Variants in AGBL1 observed in about 807,000 individuals in gnomAD.
The protein encoded by AGBL1 is cytosolic carboxypeptidase 4.
Under a neutral mutation model 118.9 loss-of-function variants are expected in AGBL1, and 130 were observed. That is an observed-to-expected ratio of 1.09 (90% CI 0.95 to 1.26). AGBL1 has a LOEUF of 1.26. AGBL1 is among the 50% of genes most tolerant of loss of function. The pLI is 0.00. For synonymous variants in AGBL1, 555 were observed against 478.9 expected (o/e 1.16, Z -2.08); for missense variants, 1,584 against 1,298.1 (o/e 1.22, Z -3.38).
At chr15:86,479,964 T>G (rs543556117) in intron 18 of AGBL1, among the ~76,000 whole-genome samples, 1 of 152,166 alleles carries the variant, frequency 6.6e-6, no homozygotes, top group South Asian at 2.1e-4. Context: ...AAACCATCAT[T>G]CTCAGCAAAC....
chr15:86,371,357 G>A (rs577697243), intron 17 of AGBL1, among the ~76,000 whole-genome samples: 2 of 152,248 alleles, frequency 1.3e-5, no homozygotes, highest in East Asian at 3.9e-4. Flanking sequence ...AGATTGGAGT[G>A]AGCTGCCTGC....
intron 17 of AGBL1, among the ~76,000 whole-genome samples, chr15:86,344,170 G>T (rs746572392): frequency 1.9e-4 from 29 of 152,184 alleles, no homozygotes; most frequent in Non-Finnish European, 4.0e-4. Context: ...GAGGGGCATG[G>T]CTCTTGTACC....
chr15:87,006,152 TGAG>T (rs2081499931), intron 24 of AGBL1, among the ~76,000 whole-genome samples: 1 of 152,202 alleles, frequency 6.6e-6, no homozygotes, highest in African/African-American at 2.4e-5. Context: ...GGGACCCACT[TGAG>T]GAGGCAGTCT....
chr15:86,943,882 T>A (rs931451660), intron 23 of AGBL1, among the ~76,000 whole-genome samples: 1 of 152,144 alleles, frequency 6.6e-6, no homozygotes, highest in Non-Finnish European at 1.5e-5. Context: ...AGCTCCTGTA[T>A]CACCAGCCCA....
chr15:86,969,469 C>G (rs2081085686), intron 23 of AGBL1, among the ~76,000 whole-genome samples: 1 of 151,726 alleles, frequency 6.6e-6, no homozygotes. Context: ...AGACCAGAGT[C>G]AGTGAGGATA....
At chr15:86,981,031 C>T (rs1190033954) in intron 23 of AGBL1, among the ~76,000 whole-genome samples, 1 of 151,844 alleles carries the variant, frequency 6.6e-6, no homozygotes, top group Non-Finnish European at 1.5e-5. Context: ...CGACTACAGG[C>T]GCACGCTGCC....
intron 22 of AGBL1, among the ~76,000 whole-genome samples, chr15:86,905,228 C>A (rs906056935): frequency 2.6e-5 from 4 of 152,106 alleles, no homozygotes; most frequent in Admixed American, 6.5e-5. Context: ...GGGAGAACTG[C>A]AAGTTTGTGA....
chr15:87,010,820 A>C (rs2081551784), intron 24 of AGBL1, among the ~76,000 whole-genome samples: 1 of 151,330 alleles, frequency 6.6e-6, no homozygotes, highest in Non-Finnish European at 1.5e-5. Context: ...CCTATCTGTC[A>C]TCTATCTGTC....
chr15:86,474,539 C>T (rs2082526099), intron 18 of AGBL1, among the ~76,000 whole-genome samples: 1 of 152,204 alleles, frequency 6.6e-6, no homozygotes, highest in Admixed American at 6.5e-5. Flanking sequence ...GGGGCACCCA[C>T]CATTGCTGAG....
intron 23 of AGBL1, among the ~76,000 whole-genome samples, chr15:86,975,361 G>T (rs141926566): frequency 6.6e-6 from 1 of 151,858 alleles, no homozygotes; most frequent in Non-Finnish European, 1.5e-5. Context: ...ACAAAAATCA[G>T]ATCTCATGAG....
intron 21 of AGBL1, among the ~76,000 whole-genome samples, chr15:86,623,362 G>T (rs557374673): frequency 6.6e-6 from 1 of 152,162 alleles, no homozygotes; most frequent in Non-Finnish European, 1.5e-5. Flanking sequence ...AGGGTTTGAG[G>T]GCAACAGCTA....
chr15:86,877,692 C>A (rs539729164), intron 22 of AGBL1, among the ~76,000 whole-genome samples: 2 of 152,280 alleles, frequency 1.3e-5, no homozygotes, highest in South Asian at 4.1e-4. Flanking sequence ...TATCTTGTAA[C>A]CATCAGTGAT....
intron 5 of AGBL1, among the ~76,000 whole-genome samples, chr15:86,212,850 A>C (rs555527948): frequency 6.6e-6 from 1 of 152,238 alleles, no homozygotes; most frequent in East Asian, 1.9e-4. Context: ...GGATTTCACC[A>C]TGTTGGCCAG....
chr15:86,116,350 GTTTTTTTCCAA>G (rs1897756703), intron 1 of AGBL1, among the ~76,000 whole-genome samples: 1 of 152,188 alleles, frequency 6.6e-6, no homozygotes, highest in Admixed American at 6.5e-5. Flanking sequence ...TTATGTGTTT[GTTTTTTTCCAA>G]TTACTTTGTT....
At chr15:86,945,957 C>T (rs1187507668) in intron 23 of AGBL1, among the ~76,000 whole-genome samples, 1 of 152,188 alleles carries the variant, frequency 6.6e-6, no homozygotes, top group Non-Finnish European at 1.5e-5. Flanking sequence ...TGTGCGTTAT[C>T]TGATTTCATC....
chr15:86,823,254 A>C (rs997340414), intron 22 of AGBL1, among the ~76,000 whole-genome samples: 1 of 152,158 alleles, frequency 6.6e-6, no homozygotes, highest in Non-Finnish European at 1.5e-5. Context: ...TTAAAAATTA[A>C]GGCCTTGAGA....
chr15:86,499,696 A>G (rs1480749597), intron 18 of AGBL1, among the ~76,000 whole-genome samples: 1 of 151,906 alleles, frequency 6.6e-6, no homozygotes, highest in African/African-American at 2.4e-5. Context: ...GCATGGATTC[A>G]GCTAGTAGGA....
intron 19 of AGBL1, among the ~76,000 whole-genome samples, chr15:86,537,566 A>C (rs1567045919): frequency 6.6e-6 from 1 of 152,234 alleles, no homozygotes; most frequent in Non-Finnish European, 1.5e-5. Context: ...GGCTGGCCAG[A>C]GATGGAGAGT....
chr15:86,786,157 C>T (rs1373713779), intron 22 of AGBL1, among the ~76,000 whole-genome samples: 1 of 151,880 alleles, frequency 6.6e-6, no homozygotes, highest in Non-Finnish European at 1.5e-5. Flanking sequence ...GCACAGTGTG[C>T]AGGTTAGTTA....
Sources: allele counts gnomAD v4.1 joint callset (sites outside exome capture counted in the v4.1 genomes callset), GRCh38; gene constraint gnomAD v4.1.1; transcripts MANE v1.5; gene names NCBI Gene and HGNC (gene_info 2026-07-23, HGNC 2026-07-21).